Variants in TTC7B observed in about 807,000 individuals in gnomAD.
TTC7B encodes tetratricopeptide repeat domain 7B.
Under a neutral mutation model 106.8 loss-of-function variants are expected in TTC7B, and 28 were observed. That is an observed-to-expected ratio of 0.26 (90% CI 0.19 to 0.36). The LOEUF is 0.36. Ranked by LOEUF, TTC7B falls within the 10% of genes least tolerant of loss-of-function variation. The pLI, the probability that TTC7B is intolerant of heterozygous loss-of-function variation, is 1.00. For missense variants in TTC7B, 862 were observed against 1,076.4 expected (o/e 0.80, Z 2.79); for synonymous variants, 405 against 430.6 (o/e 0.94, Z 0.74).
chr14:90,715,368 CGCTGCCACTGGT>C (rs1304178734), intron 5 of TTC7B, among the ~76,000 whole-genome samples: 2 of 152,142 alleles, frequency 1.3e-5, no homozygotes. Flanking sequence ...CCCAGAACTA[CGCTGCCACTGGT>C]GCTGCCACCT....
At chr14:90,798,581 G>A (rs1032807206) in intron 1 of TTC7B, among the ~76,000 whole-genome samples, 1 of 151,948 alleles carries the variant, frequency 6.6e-6, no homozygotes, top group African/African-American at 2.4e-5. Flanking sequence ...ATGGTGGCAG[G>A]TGCCTGTAAT....
intron 5 of TTC7B, among the ~76,000 whole-genome samples, chr14:90,729,373 G>A (rs535488323): frequency 7.9e-5 from 12 of 152,252 alleles, no homozygotes; most frequent in South Asian, 4.1e-4. Flanking sequence ...GGAGGGGAAC[G>A]GGCCTCTAGG....
intron 19 of TTC7B, among the ~76,000 whole-genome samples, chr14:90,564,414 G>A (rs546415901): frequency 3.9e-5 from 6 of 152,216 alleles, no homozygotes; most frequent in South Asian, 2.1e-4. Context: ...AGTCAATTTC[G>A]CATAATTCTT....
chr14:90,769,432 A>G (rs551289614), intron 3 of TTC7B, among the ~76,000 whole-genome samples: 1 of 152,342 alleles, frequency 6.6e-6, no homozygotes, highest in South Asian at 2.1e-4. Flanking sequence ...AAGAAACTCT[A>G]GATCCACAGA....
At chr14:90,816,117 C>T in intron 1 of TTC7B, 58 bp downstream of exon 1, 2 of 1,001,058 alleles carry the variant, frequency 2.0e-6, no homozygotes, top group African/African-American at 3.5e-5. Context: ...CTCGGGGGCC[C>T]GTTCCCGCGG....
intron 3 of TTC7B, among the ~76,000 whole-genome samples, chr14:90,778,703 A>T (rs973893758): frequency 6.6e-6 from 1 of 152,232 alleles, no homozygotes; most frequent in Non-Finnish European, 1.5e-5. Flanking sequence ...GCTCAGACAG[A>T]TGCAAACAAA....
rs1889298823 is a variant in TTC7B, at chr14:90,531,899, A to C, written c.*9469T>G. 6.6e-6 allele frequency: 1 copy of C among 152,228 alleles called. No homozygotes were observed. Among genetic ancestry groups the C allele is most frequent in the African/African-American group, 2.4e-5 (1 of 41,444 alleles). The allele number at this position is 152,228 out of a possible 1,614,324, so 9.4% of individuals were successfully genotyped here. A position where few individuals can be genotyped will look rare whatever the true frequency, so the allele number is the denominator to read the frequency against. ...TTTGTAGTTTTAAAAACTGCTACAT[A>C]GGCCAGGCACACTGACTCACACCTG... is the stretch of plus-strand genomic sequence containing the variant. On this transcript the variant is annotated 3_prime_UTR_variant, in exon 20 of 20. Coordinates refer to ENST00000328459, the MANE Select transcript of TTC7B (RefSeq NM_001010854.2).
chr14:90,638,022 C>T (rs1326390012), intron 15 of TTC7B, among the ~76,000 whole-genome samples: 2 of 151,532 alleles, frequency 1.3e-5, no homozygotes, highest in African/African-American at 2.4e-5. Context: ...GCTGGGACCA[C>T]AGGTACACGC....
At position 90,657,098 on chromosome 14, in the gene TTC7B, G is replaced by T; in HGVS notation, c.1341+76C>A. 2 of 1,236,674 alleles carry T rather than the reference G, an allele frequency of 1.6e-6. No individual in the cohort carries two copies. The highest frequency in any genetic ancestry group is 2.3e-6 in the Non-Finnish European group (2 of 856,956). 76.6% of individuals were successfully genotyped at this position (1,236,674 alleles called of 1,614,324 possible). ...TGAATCACCCTCGCTTTCTCTCTGTGCCTCGACATGAAAAAAATGGGCAGT... is the reference window on the plus strand; with the variant it reads ...TGAATCACCCTCGCTTTCTCTCTGTTCCTCGACATGAAAAAAATGGGCAGT... On this transcript the variant is annotated intron_variant, in intron 11 of 19. Transcript: ENST00000328459. The surrounding 1 kb of genome is among the most constrained non-coding windows in gnomAD (Gnocchi z 4.2).
rs779643266 is a variant in TTC7B at position 90,624,105 on chromosome 14, TGTGTGCGC to T, written c.1752-6068_1752-6061del. 2.4e-3 allele frequency among the ~76,000 whole-genome samples: 365 copies of T among 152,252 alleles called. 1 individual carries two copies. Among genetic ancestry groups the T allele is most frequent in the Non-Finnish European group, 3.9e-3 (267 of 68,022 alleles). The stretch of plus-strand genomic sequence containing the variant: ...GTGTGCGTGTATATGTGTGCATGTG[TGTGTGCGC>T]GTGCGCGTGTGTGTGTTTTGTGACT... On this transcript the variant is annotated intron_variant, in intron 15 of 19. Coordinates refer to ENST00000328459, the MANE Select transcript of TTC7B (RefSeq NM_001010854.2). This position sits in a 1 kb window ranked among gnomAD's most constrained non-coding sequence, Gnocchi z 4.0.
chr14:90,670,102 T>G (rs969985038), intron 9 of TTC7B, among the ~76,000 whole-genome samples: 34 of 152,254 alleles, frequency 2.2e-4, no homozygotes, highest in African/African-American at 8.2e-4. Flanking sequence ...CATTGACAGA[T>G]GAAGGGATAA....
intron 18 of TTC7B, among the ~76,000 whole-genome samples, chr14:90,589,831 G>A (rs1707963421): frequency 6.6e-6 from 1 of 152,146 alleles, no homozygotes; most frequent in South Asian, 2.1e-4. Flanking sequence ...GGCACAAATT[G>A]CCATAATAAG....
At chr14:90,787,913 A>G (rs1458034042) in intron 1 of TTC7B, among the ~76,000 whole-genome samples, 1 of 152,198 alleles carries the variant, frequency 6.6e-6, no homozygotes, top group African/African-American at 2.4e-5. Context: ...CTGTAATCCC[A>G]ACACTTTGGG....
rs373308547 is a variant in TTC7B at position 90,597,864 on chromosome 14, A to C, written c.1967-4238T>G. Among the ~76,000 whole-genome samples, 17 of 152,356 alleles carry C rather than the reference A, an allele frequency of 1.1e-4. No individual in the cohort carries two copies. In the South Asian group the frequency reaches 1.5e-3, roughly 13 times the overall value. ...ACATGTTCCTGCATCGTACATCAGA[A>C]TGAGAGCACTATTAACTTAAGGTGG... is the stretch of plus-strand genomic sequence containing the variant. On this transcript the variant is annotated intron_variant, in intron 17 of 19. Transcript: ENST00000328459.
chr14:90,787,490 G>T (rs893003394), intron 1 of TTC7B, among the ~76,000 whole-genome samples: 9 of 152,132 alleles, frequency 5.9e-5, no homozygotes, highest in Non-Finnish European at 1.2e-4. Flanking sequence ...GCTGGGGAGG[G>T]GACCTCAACT....
intron 3 of TTC7B, among the ~76,000 whole-genome samples, chr14:90,746,363 A>C (rs1199841334): frequency 6.6e-6 from 1 of 152,214 alleles, no homozygotes; most frequent in East Asian, 1.9e-4. Flanking sequence ...ATTTATTGGT[A>C]TAGAGCTGTC....
chr14:90,689,520 G>A lies in TTC7B; in HGVS notation c.950+20C>T, dbSNP rs1459677986. 6.2e-7 allele frequency: 1 copy of A among 1,607,928 alleles called. No homozygotes were observed. The highest frequency in any genetic ancestry group is 2.2e-5 in the East Asian group (1 of 44,744). On this transcript the variant is annotated intron_variant, in intron 7 of 19. Coordinates refer to ENST00000328459, the MANE Select transcript of TTC7B (RefSeq NM_001010854.2). ...TCCTCCCAACCCATAACCTACAAGT[G>A]AGGACATCAACTTTCATACTTCTCT... is the stretch of plus-strand genomic sequence containing the variant.
chr14:90,594,745 G>T (rs1263430985), intron 17 of TTC7B, among the ~76,000 whole-genome samples: 2 of 152,104 alleles, frequency 1.3e-5, no homozygotes, highest in Non-Finnish European at 2.9e-5. Context: ...TATATTCTTG[G>T]TAATACAAAA....
chr14:90,641,073 C>T (rs994935960), intron 15 of TTC7B, among the ~76,000 whole-genome samples: 2 of 152,168 alleles, frequency 1.3e-5, no homozygotes, highest in Non-Finnish European at 2.9e-5. Flanking sequence ...TCACAAATCC[C>T]TACGGTTAGA....
Sources: gnomAD v4.1 joint callset for allele counts (sites outside exome capture counted in the v4.1 genomes callset) on GRCh38, gnomAD v4.1.1 for gene constraint, Gnocchi (gnomAD v3.1) non-coding constraint, MANE v1.5 for transcripts, NCBI Gene and HGNC (gene_info 2026-07-23, HGNC 2026-07-21) for gene names.